The following AAK1 variants were observed in gnomAD, a reference collection of about 807,000 sequenced individuals.
The protein encoded by AAK1 is AP2 associated kinase 1.
Under a neutral mutation model 116.0 loss-of-function variants are expected in AAK1, and 37 were observed. The observed-to-expected ratio is 0.32, with a 90% CI of 0.25 to 0.42. AAK1 has a LOEUF of 0.42. Among genes scored for constraint, AAK1 ranks in the 10% least tolerant of loss-of-function variants. AAK1 has a pLI of 1.00. For missense variants in AAK1, 919 were observed against 1,170.6 expected (o/e 0.79, Z 3.14); for synonymous variants, 458 against 439.9 (o/e 1.04, Z -0.51).
chr2:69,513,217 T>A (rs1184385752), intron 13 of AAK1, among the ~76,000 whole-genome samples: 3 of 152,224 alleles, frequency 2.0e-5, no homozygotes, highest in Non-Finnish European at 4.4e-5. Flanking sequence ...TAGCTAAGAC[T>A]TAAAGAAGAC....
chr2:69,538,657 G>A (rs929248404), intron 5 of AAK1, among the ~76,000 whole-genome samples: 18 of 152,198 alleles, frequency 1.2e-4, no homozygotes, highest in African/African-American at 3.1e-4. Flanking sequence ...CAAGGCAGGC[G>A]GATCACTTGA....
chr2:69,601,456 A>G (rs989965695), intron 2 of AAK1, among the ~76,000 whole-genome samples: 1 of 152,364 alleles, frequency 6.6e-6, no homozygotes, highest in South Asian at 2.1e-4. Flanking sequence ...GGCAAAGACA[A>G]AGGATCAAAG....
At chr2:69,479,499 G>GA (rs1675002003) in intron 19 of AAK1, among the ~76,000 whole-genome samples, 5 of 152,112 alleles carry the variant, frequency 3.3e-5, no homozygotes, top group African/African-American at 4.8e-5. Context: ...CCATTTGGGA[G>GA]AAAAAACTTT....
At chr2:69,562,104 T>C (rs1323872003) in intron 2 of AAK1, among the ~76,000 whole-genome samples, 1 of 152,222 alleles carries the variant, frequency 6.6e-6, no homozygotes, top group Non-Finnish European at 1.5e-5. Flanking sequence ...AATGGAATTG[T>C]TGGGTCATAT....
rs1674410867 is a variant in AAK1, at chr2:69,464,054, GT to G, written c.*11814del. 1 of 152,628 alleles carries G rather than the reference GT, an allele frequency of 6.6e-6. No individual in the cohort carries two copies. The highest frequency in any genetic ancestry group is 1.5e-5 in the Non-Finnish European group (1 of 68,038). 9.5% of individuals were successfully genotyped at this position (152,628 alleles called of 1,614,324 possible). On this transcript the variant is annotated 3_prime_UTR_variant, in exon 22 of 22. Transcript: ENST00000409085. ...AATTTTAAAAAACATCAGTTAACCT[GT>G]CTGGCCTATTTCAACATCTAAAGAG...
chr2:69,592,498 A>G (rs1387382738), intron 2 of AAK1, among the ~76,000 whole-genome samples: 1 of 152,202 alleles, frequency 6.6e-6, no homozygotes. Flanking sequence ...TAAAACTGTA[A>G]AACTGCTAAA....
intron 12 of AAK1, among the ~76,000 whole-genome samples, chr2:69,516,057 T>C (rs1180666466): frequency 6.6e-6 from 1 of 152,184 alleles, no homozygotes; most frequent in East Asian, 1.9e-4. Flanking sequence ...ACTATGTAAA[T>C]GTTTCACATA....
At chr2:69,642,805 C>G in intron 2 of AAK1, 73 bp downstream of exon 2, 1 of 1,599,608 alleles carries the variant, frequency 6.3e-7, no homozygotes. Context: ...TTCATACATG[C>G]AACAACTAGA....
rs1037352413 is a variant in AAK1, at chr2:69,462,905, A to T, written c.*12964T>A. On this transcript the variant is annotated 3_prime_UTR_variant, in exon 22 of 22. Transcript: ENST00000409085. ...AATTGGGAAAAAGCATATTCTTAGA[A>T]TAACATTTAGCATCCACCAAAGTGA... 2.0e-5 allele frequency: 3 copies of T among 152,256 alleles called. No homozygotes were observed. Among genetic ancestry groups the T allele is most frequent in the Admixed American group, 2.0e-4 (3 of 15,286 alleles). The allele number at this position is 152,256 out of a possible 1,614,324, so 9.4% of individuals were successfully genotyped here. A position where few individuals can be genotyped will look rare whatever the true frequency, so the allele number is the denominator to read the frequency against.
chr2:69,508,533 C>G (rs1288111302), intron 14 of AAK1, among the ~76,000 whole-genome samples: 1 of 152,192 alleles, frequency 6.6e-6, no homozygotes, highest in African/African-American at 2.4e-5. Context: ...CACTGGATTT[C>G]CAAAGGTTGA....
In AAK1 at chr2:69,519,181, G is replaced by A. The variant is rs1669631915; in HGVS notation, c.1270C>T (p.Pro424Ser). 5.0e-6 allele frequency: 8 copies of A among 1,589,042 alleles called. No individual in the cohort carries two copies. The highest frequency in any genetic ancestry group is 6.9e-6 in the Non-Finnish European group (8 of 1,167,742). ...SVPQPKPQAP[P>S]SQPLPQTQAK... is the part of the protein sequence containing the mutation. ...TGAGTTTGCGGCAGAGGCTGGCTGG[G>A]TGGGGCTTGGGGTTTTGGTTGGGGA... is the stretch of plus-strand genomic sequence containing the variant. The change falls in exon 12 of 22, where the codon CCC (proline) becomes TCC (serine). Residue 424 changes from proline (P) to serine (S), a missense_variant. This residue lies in a region of AAK1 where 214 missense variants were observed against 210.6 expected (regional missense o/e 1.02). Coordinates refer to ENST00000409085, the MANE Select transcript of AAK1 (RefSeq NM_014911.5).
Position 69,585,930 on chromosome 2 carries a change from A to T in AAK1, c.164-28952T>A, listed in dbSNP as rs1264415624. Reference sequence around the variant, plus strand: ...AGCACTAAAGAAAAAAATATACAAAAATTGGCCTAGCACAGTGCTGGGCAA... The same window carrying T: ...AGCACTAAAGAAAAAAATATACAAATATTGGCCTAGCACAGTGCTGGGCAA... On this transcript the variant is annotated intron_variant, in intron 2 of 21. Coordinates refer to ENST00000409085, the MANE Select transcript of AAK1 (RefSeq NM_014911.5). 2.0e-5 allele frequency among the ~76,000 whole-genome samples: 3 copies of T among 152,038 alleles called. No homozygotes were observed. In the East Asian group the frequency reaches 5.8e-4, roughly 29 times the overall value.
At chr2:69,627,667 T>G (rs1420884255) in intron 2 of AAK1, among the ~76,000 whole-genome samples, 7 of 152,250 alleles carry the variant, frequency 4.6e-5, no homozygotes, top group African/African-American at 1.4e-4. Context: ...TGCAGGTCAG[T>G]GTGAGGAGTT....
Position 69,615,365 on chromosome 2 carries a change from T to C in AAK1, c.163+27513A>G, listed in dbSNP as rs77573767. ...AGGATGGGAGGCAGGGTATGTTATT[T>C]TGCTTTTTAACCCAGTACCATTTAA... On this transcript the variant is annotated intron_variant, in intron 2 of 21. Coordinates refer to ENST00000409085, the MANE Select transcript of AAK1 (RefSeq NM_014911.5). 4.8e-3 allele frequency among the ~76,000 whole-genome samples: 724 copies of C among 152,306 alleles called. 7 individuals are homozygous for C. Among genetic ancestry groups the C allele is most frequent in the African/African-American group, 0.017 (695 of 41,568 alleles).
Position 69,468,450 on chromosome 2 carries a change from T to G in AAK1, c.*7419A>C. 1.0e-6 allele frequency: 1 copy of G among 985,454 alleles called. No individual in the cohort carries two copies. 61.0% of individuals were successfully genotyped at this position (985,454 alleles called of 1,614,324 possible). ...GTATCAGTTGGACAAAGTTTTCAGT[T>G]GCCAAAACAAAAGCACAATTTCTCA... is the stretch of plus-strand genomic sequence containing the variant. On this transcript the variant is annotated 3_prime_UTR_variant, in exon 22 of 22. Transcript: ENST00000409085.
intron 17 of AAK1, among the ~76,000 whole-genome samples, chr2:69,484,736 G>A (rs149263072): frequency 0.017 from 2,602 of 152,134 alleles, 86 homozygotes; most frequent in African/African-American, 0.059. Flanking sequence ...TTAGCCAGGC[G>A]TGGTGGCGCA....
chr2:69,527,827 T>C (rs576696750), intron 8 of AAK1, among the ~76,000 whole-genome samples: 3 of 152,342 alleles, frequency 2.0e-5, no homozygotes, highest in South Asian at 2.1e-4. Flanking sequence ...CTGTGACCTA[T>C]AGATCACTTG....
chr2:69,526,127 G>A (rs1258003072), intron 9 of AAK1, among the ~76,000 whole-genome samples: 3 of 152,150 alleles, frequency 2.0e-5, no homozygotes, highest in Admixed American at 6.5e-5. Context: ...GAGCTGGTCC[G>A]GTTTGCTTTG....
intron 2 of AAK1, among the ~76,000 whole-genome samples, chr2:69,609,499 T>C (rs995491820): frequency 6.0e-5 from 9 of 150,490 alleles, no homozygotes; most frequent in Non-Finnish European, 8.9e-5. Flanking sequence ...CTGGCCAACA[T>C]GGCAAAACTC....
Sources: gnomAD v4.1 joint callset for allele counts (sites outside exome capture counted in the v4.1 genomes callset) on GRCh38, gnomAD v4.1.1 for gene constraint, gnomAD v4.1.1 regional missense constraint, MANE v1.5 for transcripts, NCBI Gene and HGNC (gene_info 2026-07-23, HGNC 2026-07-21) for gene names.